The following DPP6 variants were observed in gnomAD, a reference collection of about 807,000 sequenced individuals.
DPP6 encodes dipeptidyl peptidase like 6, also known as A-type potassium channel modulatory protein DPP6.
In DPP6, 69 loss-of-function variants were observed where a neutral mutation model predicts 122.6. The observed-to-expected ratio is 0.56, with a 90% CI of 0.46 to 0.69. DPP6 has a LOEUF of 0.69. Among genes scored for constraint, DPP6 ranks in the 30% least tolerant of loss-of-function variants. DPP6 has a pLI of 0.00. For synonymous variants in DPP6, 418 were observed against 433.1 expected (o/e 0.97, Z 0.43); for missense variants, 928 against 1,116.9 (o/e 0.83, Z 2.41).
the DPP6 span, among the ~76,000 whole-genome samples, chr7:153,849,638 C>G: frequency 1.1e-4 from 17 of 152,134 alleles, no homozygotes; most frequent in African/African-American, 2.9e-4. Flanking sequence ...TTCCTACTGG[C>G]TTTTGTTCCA....
At chr7:153,898,619 T>C (rs578221490) in intron 1 of DPP6, among the ~76,000 whole-genome samples, 2 of 152,248 alleles carry the variant, frequency 1.3e-5, no homozygotes, top group South Asian at 2.1e-4. Context: ...AAAACGAGAA[T>C]GTTGAAACAG....
intron 1 of DPP6, among the ~76,000 whole-genome samples, chr7:154,290,714 T>C (rs979269745): frequency 6.6e-6 from 1 of 152,036 alleles, no homozygotes. Context: ...TTGGCAGCCA[T>C]TTTCCTCTAG....
intron 4 of DPP6, among the ~76,000 whole-genome samples, chr7:154,559,926 A>G (rs1055766945): frequency 3.4e-4 from 13 of 38,342 alleles, no homozygotes; most frequent in African/African-American, 1.6e-3. Flanking sequence ...TAATATATAT[A>G]GATATATATA....
chr7:154,761,231 GCTCTGCACCAA>G, intron 8 of DPP6, among the ~76,000 whole-genome samples: 1 of 152,226 alleles, frequency 6.6e-6, no homozygotes, highest in Non-Finnish European at 1.5e-5. Context: ...TTCCTCCTCT[GCTCTGCACCAA>G]CTGGGGTGAC....
intron 6 of DPP6, among the ~76,000 whole-genome samples, chr7:154,664,442 C>T (rs1838013370): frequency 6.6e-6 from 1 of 152,182 alleles, no homozygotes. Flanking sequence ...TTAAGTAAGG[C>T]AATGGAGTTT....
At chr7:154,247,823 CAT>C (rs1174609545) in intron 1 of DPP6, among the ~76,000 whole-genome samples, 1 of 152,166 alleles carries the variant, frequency 6.6e-6, no homozygotes, top group African/African-American at 2.4e-5. Flanking sequence ...CAGCCCTACT[CAT>C]AATACCTTCA....
At chr7:153,951,853 G>C (rs150393748) in intron 1 of DPP6, among the ~76,000 whole-genome samples, 1 of 152,190 alleles carries the variant, frequency 6.6e-6, no homozygotes, top group African/African-American at 2.4e-5. Context: ...TACCAGCCTG[G>C]TCAACATGGT....
At chr7:154,384,517 G>A (rs1178880876) in intron 1 of DPP6, among the ~76,000 whole-genome samples, 1 of 152,080 alleles carries the variant, frequency 6.6e-6, no homozygotes, top group African/African-American at 2.4e-5. Context: ...TCTTGATGAG[G>A]CACTAAGACC....
intron 10 of DPP6, among the ~76,000 whole-genome samples, chr7:154,775,695 A>G (rs942438651): frequency 6.6e-6 from 1 of 152,070 alleles, no homozygotes; most frequent in African/African-American, 2.4e-5. Flanking sequence ...CGCCTACCCC[A>G]GCAGGGTTGA....
chr7:154,882,883 C>T (rs989546400), intron 21 of DPP6, among the ~76,000 whole-genome samples: 3 of 151,102 alleles, frequency 2.0e-5, no homozygotes, highest in African/African-American at 4.9e-5. Flanking sequence ...AGGAACACAC[C>T]GGAACGATCG....
At chr7:154,715,892 C>G (rs1221838787) in intron 7 of DPP6, among the ~76,000 whole-genome samples, 1 of 152,150 alleles carries the variant, frequency 6.6e-6, no homozygotes, top group Non-Finnish European at 1.5e-5. Context: ...GCCCAAACTC[C>G]ACTCTGACTT....
At chr7:154,848,302 G>A (rs926236359) in intron 16 of DPP6, among the ~76,000 whole-genome samples, 14 of 151,606 alleles carry the variant, frequency 9.2e-5, no homozygotes, top group African/African-American at 3.1e-4. Flanking sequence ...GCATATAAAG[G>A]TTTCCTTTTC....
At chr7:154,278,839 G>A (rs1804306740) in intron 1 of DPP6, among the ~76,000 whole-genome samples, 1 of 151,698 alleles carries the variant, frequency 6.6e-6, no homozygotes, top group African/African-American at 2.4e-5. Flanking sequence ...TGTGGGAGTG[G>A]GGATGCACGT....
chr7:154,766,763 AT>A (rs1795925889), intron 8 of DPP6, among the ~76,000 whole-genome samples: 1 of 151,994 alleles, frequency 6.6e-6, no homozygotes, highest in South Asian at 2.1e-4. Context: ...CTTCACCCAC[AT>A]TTTTTTCAGT....
chr7:154,494,036 TTG>T (rs762306489), intron 3 of DPP6, among the ~76,000 whole-genome samples: 2 of 152,176 alleles, frequency 1.3e-5, no homozygotes, highest in Non-Finnish European at 2.9e-5. Context: ...CTAGAAATTT[TTG>T]TGTGTGTTGG....
At chr7:154,657,861 G>A (rs966631129) in intron 6 of DPP6, among the ~76,000 whole-genome samples, 4 of 152,324 alleles carry the variant, frequency 2.6e-5, no homozygotes, top group African/African-American at 9.6e-5. Context: ...GGCTGAGGCA[G>A]CATAAAAGTC....
the DPP6 span, among the ~76,000 whole-genome samples, chr7:153,800,551 CTG>C: frequency 6.6e-6 from 1 of 152,144 alleles, no homozygotes; most frequent in East Asian, 1.9e-4. Flanking sequence ...GAATCTAACT[CTG>C]TTGTCCAGGC....
chr7:154,882,158 C>T (rs1805441961), intron 21 of DPP6, among the ~76,000 whole-genome samples: 1 of 152,208 alleles, frequency 6.6e-6, no homozygotes, highest in African/African-American at 2.4e-5. Context: ...TAGTTCACTT[C>T]TGGACACAGA....
chr7:154,093,376 C>T (rs1805023798), intron 1 of DPP6, among the ~76,000 whole-genome samples: 2 of 146,992 alleles, frequency 1.4e-5, no homozygotes. Flanking sequence ...TAGCACATAA[C>T]ACACCACATG....
Sources: gnomAD v4.1 joint callset for allele counts (sites outside exome capture counted in the v4.1 genomes callset) on GRCh38, gnomAD v4.1.1 for gene constraint, MANE v1.5 for transcripts, NCBI Gene and HGNC (gene_info 2026-07-23, HGNC 2026-07-21) for gene names.